ACBD6: variants seen among roughly 807,000 people sequenced by gnomAD.
ACBD6 encodes the protein acyl-CoA binding domain containing 6, also known as acyl-CoA-binding domain-containing protein 6.
Under a neutral mutation model 37.2 loss-of-function variants are expected in ACBD6, and 28 were observed. The ratio of observed to expected loss-of-function variants is 0.75; its 90% CI spans 0.56 to 1.03. The LOEUF (loss-of-function observed/expected upper bound fraction) is 1.03, where lower values mean the gene tolerates loss of function less well. Ranked by LOEUF, ACBD6 falls within the 50% of genes least tolerant of loss-of-function variation. ACBD6 has a pLI of 0.00. For missense variants in ACBD6, 340 were observed against 337.4 expected (o/e 1.01, Z -0.06); for synonymous variants, 113 against 126.8 (o/e 0.89, Z 0.73).
At chr1:180,276,679 C>T (rs1346422515) in intron 9 of ACBD6, 1 of 152,114 alleles carries the variant, frequency 6.6e-6, no homozygotes, top group Non-Finnish European at 1.5e-5. Flanking sequence ...TTAAAATACA[C>T]AGGAGAAAAG....
At chr1:180,410,925 A>G (rs1287856036) in intron 5 of ACBD6, among the ~76,000 whole-genome samples, 1 of 152,252 alleles carries the variant, frequency 6.6e-6, no homozygotes, top group African/African-American at 2.4e-5. Context: ...TCTGGAAAGG[A>G]TTCACCATTC....
intron 5 of ACBD6, among the ~76,000 whole-genome samples, chr1:180,397,878 C>A (rs902736447): frequency 6.6e-6 from 1 of 152,048 alleles, no homozygotes; most frequent in African/African-American, 2.4e-5. Context: ...CATGGTGAAA[C>A]CCTGTCTCTG....
intron 5 of ACBD6, among the ~76,000 whole-genome samples, chr1:180,409,493 A>G (rs1647767427): frequency 6.6e-6 from 1 of 152,208 alleles, no homozygotes; most frequent in Admixed American, 6.5e-5. Flanking sequence ...TTTTTCCAAC[A>G]AGATGTGCTC....
chr1:180,357,261 G>A (rs1251131103), intron 6 of ACBD6, among the ~76,000 whole-genome samples: 1 of 152,156 alleles, frequency 6.6e-6, no homozygotes, highest in Non-Finnish European at 1.5e-5. Flanking sequence ...TCGTGGATAA[G>A]GAAACTCAAG....
intron 3 of ACBD6, among the ~76,000 whole-genome samples, chr1:180,447,352 C>A (rs2102021497): frequency 6.6e-6 from 1 of 152,162 alleles, no homozygotes; most frequent in East Asian, 1.9e-4. Flanking sequence ...GTCAACAGAA[C>A]TCCGAAGATT....
At chr1:180,318,242 T>C (rs1422887891) in intron 6 of ACBD6, among the ~76,000 whole-genome samples, 2 of 150,264 alleles carry the variant, frequency 1.3e-5, no homozygotes, top group Non-Finnish European at 3.0e-5. Flanking sequence ...GAATGCTCCT[T>C]GCTCTGTCTG....
chr1:180,296,144 G>A (rs935026251), intron 7 of ACBD6, among the ~76,000 whole-genome samples: 1 of 152,152 alleles, frequency 6.6e-6, no homozygotes, highest in Non-Finnish European at 1.5e-5. Context: ...TGAGTGGTCT[G>A]GGTAGAAGAT....
chr1:180,500,295 T>C (rs1651908026), intron 1 of ACBD6, among the ~76,000 whole-genome samples: 1 of 152,208 alleles, frequency 6.6e-6, no homozygotes. Flanking sequence ...TCCTTTCCTC[T>C]AGTGTTTCAA....
chr1:180,286,725 C>G (rs142844477), downstream of ACBD6, among the ~76,000 whole-genome samples: 1,726 of 152,204 alleles, frequency 0.011, 26 homozygotes, highest in African/African-American at 0.039. Flanking sequence ...TAAATTATTT[C>G]AAAAATGAAT....
At chr1:180,444,612 C>T (rs185666319) in intron 3 of ACBD6, among the ~76,000 whole-genome samples, 1 of 152,196 alleles carries the variant, frequency 6.6e-6, no homozygotes, top group Admixed American at 6.5e-5. Context: ...GCTACTTTAC[C>T]CTCTTGATAT....
intron 6 of ACBD6, among the ~76,000 whole-genome samples, chr1:180,371,043 C>A (rs1186517040): frequency 6.6e-6 from 1 of 151,852 alleles, no homozygotes; most frequent in African/African-American, 2.4e-5. Context: ...TTTATTTTGA[C>A]AAACTAACTG....
At chr1:180,347,253 T>A (rs16855834) in intron 6 of ACBD6, among the ~76,000 whole-genome samples, 6,407 of 151,834 alleles carry the variant, frequency 0.042, 413 homozygotes, top group African/African-American at 0.14. Flanking sequence ...AAAGACGAAA[T>A]ATCTGAAAAC....
At chr1:180,389,087 T>C (rs953840941) in intron 6 of ACBD6, among the ~76,000 whole-genome samples, 2 of 152,210 alleles carry the variant, frequency 1.3e-5, no homozygotes, top group African/African-American at 2.4e-5. Flanking sequence ...ATGTGCCATG[T>C]TGGTGTGCTG....
chr1:180,497,412 G>A (rs949572480), intron 1 of ACBD6, among the ~76,000 whole-genome samples: 1 of 152,156 alleles, frequency 6.6e-6, no homozygotes, highest in Admixed American at 6.5e-5. Context: ...ATATACATGT[G>A]GTGATGGTAA....
intron 6 of ACBD6, among the ~76,000 whole-genome samples, chr1:180,358,555 C>CAAA (rs112467064): frequency 0.054 from 7,987 of 148,502 alleles, 265 homozygotes; most frequent in South Asian, 0.09. Context: ...TACAGAAACC[C>CAAA]CAAAAAAAAC....
chr1:180,314,541 G>T (rs113496127), intron 7 of ACBD6, 151 bp downstream of exon 7: 8,771 of 618,722 alleles, frequency 0.014, 359 homozygotes, highest in Admixed American at 0.076. Context: ...CCTCACGCCC[G>T]GCCTAATACA....
chr1:180,434,961 C>G (rs879055092), intron 3 of ACBD6: 1 of 816,448 alleles, frequency 1.2e-6, no homozygotes, highest in Non-Finnish European at 2.2e-6. Context: ...CATGGGCAGT[C>G]TGTAAACCAA....
rs773419621 is a variant in ACBD6, at chr1:180,271,872, TGAA to T, written c.*1350_*1352del. 21 of 1,613,644 alleles carry T rather than the reference TGAA, an allele frequency of 1.3e-5. No homozygotes were observed. In the South Asian group the frequency reaches 1.9e-4, roughly 14 times the overall value. ...AACAGAAGGGCCAAAGAGAAACGCC[TGAA>T]GAAGGATGCAGGGCGGCACCGCTGG... On this transcript the variant is annotated 3_prime_UTR_variant, in exon 14 of 14. Coordinates refer to the ACBD6 transcript ENST00000642319.
chr1:180,341,428 T>G lies in ACBD6; in HGVS notation c.664-26706A>C, dbSNP rs530408311. ...CTACAGGAAAAAGATTTTAAAAACA[T>G]GAGAATGAAAACAGGGATTATCTTG... On this transcript the variant is annotated intron_variant, in intron 6 of 7. Coordinates refer to ENST00000367595, the MANE Select transcript of ACBD6 (RefSeq NM_032360.4). Among the ~76,000 whole-genome samples the G allele has an allele frequency of 5.9e-5, 9 of 152,270 alleles. No individual in the cohort carries two copies. The East Asian group carries it at 1.7e-3, about 29-fold the overall frequency.
Sources: allele counts gnomAD v4.1 joint callset (sites outside exome capture counted in the v4.1 genomes callset), GRCh38; gene constraint gnomAD v4.1.1; transcripts MANE v1.5; gene names NCBI Gene and HGNC (gene_info 2026-07-23, HGNC 2026-07-21).